Variants in MITF observed in about 807,000 individuals in gnomAD.
The protein encoded by MITF is melanocyte inducing transcription factor, also known as microphthalmia-associated transcription factor.
Under a neutral mutation model 60.5 loss-of-function variants are expected in MITF, and 17 were observed. The observed-to-expected ratio is 0.28, with a 90% confidence interval of 0.19 to 0.42. The LOEUF is 0.42. Ranked by LOEUF, MITF falls within the 10% of genes least tolerant of loss-of-function variation. MITF has a pLI of 1.00. For missense variants in MITF, 622 were observed against 683.5 expected (o/e 0.91, Z 1.00); for synonymous variants, 260 against 248.5 (o/e 1.05, Z -0.43).
chr3:69,842,096 A>T (rs1270032534), intron 1 of MITF, among the ~76,000 whole-genome samples: 2 of 152,232 alleles, frequency 1.3e-5, no homozygotes, highest in Non-Finnish European at 2.9e-5. Context: ...GTTGGGCAGC[A>T]TAGTAGCTTT....
intron 1 of MITF, among the ~76,000 whole-genome samples, chr3:69,840,913 G>A (rs75300766): frequency 0.15 from 22,896 of 151,906 alleles, 2,005 homozygotes; most frequent in Non-Finnish European, 0.21. Flanking sequence ...ATGCCACCAT[G>A]CCCAGCTAAG....
chr3:69,878,551 G>A (rs918209699), intron 1 of MITF, among the ~76,000 whole-genome samples: 2 of 152,130 alleles, frequency 1.3e-5, no homozygotes, highest in African/African-American at 2.4e-5. Flanking sequence ...CCCAAAGAGC[G>A]AGGTCGAGTT....
chr3:69,876,274 G>A (rs2064351776), intron 1 of MITF, among the ~76,000 whole-genome samples: 1 of 152,146 alleles, frequency 6.6e-6, no homozygotes, highest in African/African-American at 2.4e-5. Context: ...TTATTCCACA[G>A]CTGCATTTGC....
chr3:69,950,774 T>C (rs1012103969), intron 6 of MITF, among the ~76,000 whole-genome samples: 1 of 151,940 alleles, frequency 6.6e-6, no homozygotes, highest in African/African-American at 2.4e-5. Flanking sequence ...GATCCCCAGA[T>C]TGGTCAAGTA....
Position 69,965,193 on chromosome 3 carries a change from A to G in MITF, c.1526A>G (p.Lys509Arg). The G allele has an allele frequency of 6.2e-7, 1 of 1,613,702 alleles. No homozygotes were observed. Among genetic ancestry groups the G allele is most frequent in the East Asian group, 2.2e-5 (1 of 44,848 alleles). ...TCCTCAGTGTCCCCCGGAGCTTCCA[A>G]AACAAGCAGCCGGAGGAGCAGTATG... Reference protein sequence around the residue: ...LLSSVSPGASKTSSRRSSMSM... With the variant: ...LLSSVSPGASRTSSRRSSMSM... The change falls in exon 10 of 10, where the codon AAA becomes AGA. Residue 509 changes from lysine (K) to arginine (R), a missense_variant. Transcript: ENST00000352241.
At chr3:69,862,611 A>G (rs1288126402) in intron 1 of MITF, among the ~76,000 whole-genome samples, 1 of 152,236 alleles carries the variant, frequency 6.6e-6, no homozygotes, top group Non-Finnish European at 1.5e-5. Flanking sequence ...CAGGATAACA[A>G]GTAAAATCCC....
intron 1 of MITF, among the ~76,000 whole-genome samples, chr3:69,843,494 T>C (rs760231991): frequency 6.6e-6 from 1 of 152,108 alleles, no homozygotes; most frequent in Non-Finnish European, 1.5e-5. Flanking sequence ...TCTGCCCCCA[T>C]TGAATCTCGT....
intron 1 of MITF, among the ~76,000 whole-genome samples, chr3:69,803,052 CA>C (rs1483606988): frequency 6.6e-6 from 1 of 152,098 alleles, no homozygotes; most frequent in Non-Finnish European, 1.5e-5. Context: ...GCTGGGATTA[CA>C]GGGGTGAGCC....
Position 69,921,810 on chromosome 3 carries a change from C to T in MITF, c.355-16012C>T, listed in dbSNP as rs936508646. Among the ~76,000 whole-genome samples, 109 of 152,286 alleles carry T rather than the reference C, an allele frequency of 7.2e-4. 1 individual carries two copies. The highest frequency in any genetic ancestry group is 3.4e-3 in the Middle Eastern group (1 of 294). ...GTCGGGAAGGAAATTGGCACAGCCTCTTCTAGGATAGGATTTCTACACTGT... is the reference window on the plus strand; with the variant it reads ...GTCGGGAAGGAAATTGGCACAGCCTTTTCTAGGATAGGATTTCTACACTGT... On this transcript the variant is annotated intron_variant, in intron 2 of 9. Coordinates refer to ENST00000352241, the MANE Select transcript of MITF (RefSeq NM_001354604.2).
intron 2 of MITF, among the ~76,000 whole-genome samples, chr3:69,913,326 T>G (rs1395634933): frequency 6.6e-6 from 1 of 152,176 alleles, no homozygotes; most frequent in Non-Finnish European, 1.5e-5. Flanking sequence ...TCATTTTTAA[T>G]GTACAGTGTT....
At chr3:69,870,902 G>A (rs1352705853) in intron 1 of MITF, among the ~76,000 whole-genome samples, 1 of 152,152 alleles carries the variant, frequency 6.6e-6, no homozygotes, top group Non-Finnish European at 1.5e-5. Context: ...GTCTTAGGCT[G>A]AAACTTTGAC....
intron 2 of MITF, among the ~76,000 whole-genome samples, chr3:69,896,872 T>C (rs929976889): frequency 1.3e-5 from 2 of 152,176 alleles, no homozygotes; most frequent in African/African-American, 4.8e-5. Flanking sequence ...CCTTCAAACA[T>C]TGCAGTTCAG....
At chr3:69,876,470 T>C (rs1009117308) in intron 1 of MITF, among the ~76,000 whole-genome samples, 2 of 151,984 alleles carry the variant, frequency 1.3e-5, no homozygotes, top group African/African-American at 4.8e-5. Flanking sequence ...TTTCTTGGCT[T>C]AGGAAGGTAC....
At chr3:69,916,614 T>A (rs1214040601) in intron 2 of MITF, among the ~76,000 whole-genome samples, 2 of 152,144 alleles carry the variant, frequency 1.3e-5, no homozygotes, top group African/African-American at 4.8e-5. Flanking sequence ...AAAGTACTGC[T>A]TTTTAATTTA....
At chr3:69,871,803 AG>A (rs2064243736) in intron 1 of MITF, among the ~76,000 whole-genome samples, 1 of 152,188 alleles carries the variant, frequency 6.6e-6, no homozygotes. Context: ...ACCTTTAAAA[AG>A]TTTATTCCAG....
intron 1 of MITF, among the ~76,000 whole-genome samples, chr3:69,845,408 T>C (rs1188031144): frequency 2.0e-5 from 3 of 151,314 alleles, no homozygotes. Context: ...TGCAATTCTT[T>C]GTTTTCTTTT....
rs1158336527 is a variant in MITF, at chr3:69,806,087, AT to A, written c.104+66401del. ...TCCACGGTATCTGTTAGCAGAGCCA[AT>A]TTTTTTTTTTTTTTGAGACAGAATC... On this transcript the variant is annotated intron_variant, in intron 1 of 9. Transcript: ENST00000352241. Among the ~76,000 whole-genome samples the A allele has an allele frequency of 3.7e-3, 529 of 142,150 alleles. 3 individuals are homozygous for A. Among genetic ancestry groups the A allele is most frequent in the African/African-American group, 8.5e-3 (333 of 39,036 alleles). 93.3% of individuals were successfully genotyped at this position (142,150 alleles called of 152,430 possible). A position where few individuals can be genotyped will look rare whatever the true frequency, so the allele number is the denominator to read the frequency against.
In MITF at chr3:69,938,581, G is replaced by A. The variant is rs565365627; in HGVS notation, c.583-517G>A. On this transcript the variant is annotated intron_variant, in intron 3 of 9. Coordinates refer to ENST00000352241, the MANE Select transcript of MITF (RefSeq NM_001354604.2). ...CGGAAACGCAAAGGTTTAATTGCTG[G>A]ATACATTCTGTTTCATAATAAAATT... The A allele has an allele frequency of 1.1e-5, 15 of 1,382,636 alleles. No individual in the cohort carries two copies. In the African/African-American group the frequency reaches 2.0e-4, roughly 19 times the overall value. The allele number at this position is 1,382,636 out of a possible 1,614,324, so 85.6% of individuals were successfully genotyped here.
At chr3:69,874,457 A>G (rs528871516) in intron 1 of MITF, among the ~76,000 whole-genome samples, 7 of 152,192 alleles carry the variant, frequency 4.6e-5, no homozygotes, top group African/African-American at 1.7e-4. Context: ...AGTTTATTGG[A>G]CCATGTTTCA....
Sources: gnomAD v4.1 joint callset for allele counts (sites outside exome capture counted in the v4.1 genomes callset) on GRCh38, gnomAD v4.1.1 for gene constraint, MANE v1.5 for transcripts, NCBI Gene and HGNC (gene_info 2026-07-23, HGNC 2026-07-21) for gene names.